KLF8: variants seen among roughly 807,000 people sequenced by gnomAD.
KLF8 encodes the protein KLF transcription factor 8.
In KLF8, 10 loss-of-function variants were observed where a neutral mutation model predicts 18.2. The ratio of observed to expected loss-of-function variants is 0.55; its 90% CI spans 0.34 to 0.93. The LOEUF (loss-of-function observed/expected upper bound fraction) is 0.93, where lower values mean the gene tolerates loss of function less well. Among genes scored for constraint, KLF8 ranks in the 40% least tolerant of loss-of-function variants. The pLI is 0.02. For missense variants in KLF8, 264 were observed against 277.9 expected (o/e 0.95, Z 0.36); for synonymous variants, 109 against 97.3 (o/e 1.12, Z -0.71).
chrX:56,172,664 C>A, the KLF8 span, among the ~76,000 whole-genome samples: 10 of 111,925 alleles, frequency 8.9e-5, no homozygotes, highest in Non-Finnish European at 1.9e-4. Flanking sequence ...AGTTCTAGAT[C>A]CCTGAGGAAT....
At chrX:56,190,624 C>T in the KLF8 span, among the ~76,000 whole-genome samples, 5 of 111,523 alleles carry the variant, frequency 4.5e-5, no homozygotes, top group Admixed American at 9.6e-5. Context: ...TAATATCAAG[C>T]ATCTTCTCTG....
chrX:55,994,578 A>G, the KLF8 span, among the ~76,000 whole-genome samples: 3,864 of 110,121 alleles, frequency 0.035, 152 homozygotes, highest in African/African-American at 0.12. Flanking sequence ...TTTTTCTCTC[A>G]TCACTGCTTT....
the KLF8 span, among the ~76,000 whole-genome samples, chrX:55,937,576 G>A: frequency 2.7e-5 from 3 of 111,971 alleles, no homozygotes; most frequent in African/African-American, 9.7e-5. Context: ...AAACTACTCC[G>A]AGCTAAAGGA....
At chrX:55,938,733 G>T in the KLF8 span, among the ~76,000 whole-genome samples, 6 of 110,417 alleles carry the variant, frequency 5.4e-5, no homozygotes, top group East Asian at 2.8e-4. Context: ...TCCTAGTCTC[G>T]GATAAAACAG....
At chrX:55,946,681 C>A in the KLF8 span, among the ~76,000 whole-genome samples, 1 of 111,438 alleles carries the variant, frequency 9.0e-6, no homozygotes, top group African/African-American at 3.3e-5. Context: ...AAAGAAACTA[C>A]CATGAGAGTG....
the KLF8 span, among the ~76,000 whole-genome samples, chrX:56,052,589 G>A: frequency 8.9e-5 from 10 of 111,822 alleles, no homozygotes; most frequent in South Asian, 3.0e-3. Context: ...CGGGGGTCAG[G>A]GGTCAAGGAC....
chrX:56,281,946 T>C (rs2147698732), intron 5 of KLF8, among the ~76,000 whole-genome samples: 1 of 111,982 alleles, frequency 8.9e-6, no homozygotes, highest in Non-Finnish European at 1.9e-5. Flanking sequence ...ATTTGTGTGT[T>C]CTAGAAATGA....
the KLF8 span, among the ~76,000 whole-genome samples, chrX:56,185,981 A>G: frequency 8.9e-6 from 1 of 112,336 alleles, no homozygotes; most frequent in East Asian, 2.8e-4. Flanking sequence ...GAGCAAAAAA[A>G]CCAGCTAACA....
the KLF8 span, among the ~76,000 whole-genome samples, chrX:56,135,382 T>C: frequency 2.7e-5 from 3 of 111,159 alleles, no homozygotes; most frequent in African/African-American, 9.8e-5. Flanking sequence ...TAAAAAATGA[T>C]GAGTTCATGT....
the KLF8 span, chrX:56,074,938 G>A: frequency 9.0e-6 from 1 of 111,178 alleles, no homozygotes; most frequent in Admixed American, 9.6e-5. Flanking sequence ...TATATTTTAG[G>A]TATTCTTTAT....
chrX:56,050,850 C>A, the KLF8 span, among the ~76,000 whole-genome samples: 8 of 109,513 alleles, frequency 7.3e-5, no homozygotes, highest in South Asian at 2.4e-3. Flanking sequence ...ATTGATCTGT[C>A]TAATGTTGAC....
rs1222671785 is a variant in KLF8, at chrX:56,266,150, A to G, written c.646+406A>G. 1.3e-5 allele frequency: 10 copies of G among 761,601 alleles called. 1 individual carries two copies. In the Admixed American group the frequency reaches 4.0e-4, roughly 30 times the overall value. The allele number at this position is 761,601 out of a possible 1,213,427, so 62.8% of individuals were successfully genotyped here. A position where few individuals can be genotyped will look rare whatever the true frequency, so the allele number is the denominator to read the frequency against. ...AAAGGCATCCACCCTCGGACTTTTC[A>G]GGAGAATGTGTTTATTTTATGCCAT... On this transcript the variant is annotated intron_variant, in intron 3 of 5. Coordinates refer to ENST00000468660, the MANE Select transcript of KLF8 (RefSeq NM_007250.5).
chrX:55,910,923 G>A, the KLF8 span, among the ~76,000 whole-genome samples: 1 of 111,650 alleles, frequency 9.0e-6, no homozygotes, highest in Middle Eastern at 4.6e-3. Context: ...TGAAACTACT[G>A]TTGACAGCAC....
chrX:56,277,340 G>T (rs557901681), intron 5 of KLF8, among the ~76,000 whole-genome samples: 1 of 112,061 alleles, frequency 8.9e-6, no homozygotes, highest in Admixed American at 9.4e-5. Flanking sequence ...TGGGTGTTGT[G>T]ATCTAAGCCA....
the KLF8 span, among the ~76,000 whole-genome samples, chrX:55,925,775 A>G: frequency 8.9e-5 from 10 of 111,834 alleles, no homozygotes; most frequent in South Asian, 3.8e-3. Context: ...GAGATTGGCA[A>G]TTTTTGTGGG....
chrX:56,269,213 T>C (rs1569188048), intron 3 of KLF8, 165 bp from the exon 4 acceptor site: 1 of 1,046,146 alleles, frequency 9.6e-7, no homozygotes, highest in East Asian at 3.5e-5. Context: ...AATAAAATGT[T>C]ATTCTCTTCC....
At chrX:56,200,310 T>C in the KLF8 span, among the ~76,000 whole-genome samples, 170 of 109,799 alleles carry the variant, frequency 1.5e-3, 3 homozygotes, top group East Asian at 0.04. Context: ...TAAAAAAAGG[T>C]GAACCAATAA....
At chrX:56,184,347 C>T in the KLF8 span, among the ~76,000 whole-genome samples, 3 of 112,327 alleles carry the variant, frequency 2.7e-5, no homozygotes, top group Non-Finnish European at 5.6e-5. Flanking sequence ...CCCGGGCTTG[C>T]TTAGGTAAAC....
At chrX:56,258,254 C>T (rs1335797685) in intron 2 of KLF8, among the ~76,000 whole-genome samples, 1 of 112,132 alleles carries the variant, frequency 8.9e-6, no homozygotes, top group Non-Finnish European at 1.9e-5. Flanking sequence ...TGTCATTGAG[C>T]GTGCATAGCT....
Sources: allele counts gnomAD v4.1 joint callset (sites outside exome capture counted in the v4.1 genomes callset), GRCh38; gene constraint gnomAD v4.1.1; transcripts MANE v1.5; gene names NCBI Gene and HGNC (gene_info 2026-07-23, HGNC 2026-07-21).